TAT: variants seen among roughly 807,000 people sequenced by gnomAD.
The protein encoded by TAT is L-tyrosine:2-oxoglutarate aminotransferase.
Under a neutral mutation model 53.6 loss-of-function variants are expected in TAT, and 35 were observed. The ratio of observed to expected loss-of-function variants is 0.65; its 90% CI spans 0.50 to 0.87. The LOEUF (loss-of-function observed/expected upper bound fraction) is 0.87, where lower values mean the gene tolerates loss of function less well. TAT is among the 40% of genes least tolerant of loss of function. The probability of loss-of-function intolerance (pLI) is 0.00; values close to 1 mark genes in which losing one functional copy is unlikely to be tolerated. For synonymous variants in TAT, 197 were observed against 206.5 expected, an observed-to-expected ratio of 0.95 and a Z score of 0.39; for missense variants, 525 against 571.8, an observed-to-expected ratio of 0.92 and a Z score of 0.83.
At chr16:71,570,893 C>T (rs553419212) in intron 7 of TAT, 62 bp from the exon 8 acceptor site, 19 of 1,577,108 alleles carry the variant, frequency 1.2e-5, no homozygotes, top group Non-Finnish European at 9.5e-6. Context: ...TCCCAGATCC[C>T]GTGGCTCCCA....
chr16:71,571,770 TAA>T (rs1381476705), intron 6 of TAT, 112 bp from the exon 7 acceptor site: 1 of 1,102,276 alleles, frequency 9.1e-7, no homozygotes, highest in Non-Finnish European at 1.4e-6. Flanking sequence ...TTACAATTCT[TAA>T]AGAGAAAGAC....
At chr16:71,576,864 A>G (rs1237682020) in intron 1 of TAT, 145 bp downstream of exon 1, 1 of 241,800 alleles carries the variant, frequency 4.1e-6, no homozygotes, top group Non-Finnish European at 8.1e-6. Flanking sequence ...GTTCCATGTA[A>G]ATATCATTGT....
At chr16:71,568,835 A>C in intron 10 of TAT, 26 bp from the exon 11 acceptor site, 1 of 1,581,874 alleles carries the variant, frequency 6.3e-7, no homozygotes, top group Non-Finnish European at 8.7e-7. Context: ...GGAGAGGCCA[A>C]CTTATCAGAA....
At position 71,571,569 on chromosome 16, in the gene TAT, G is replaced by A. The variant is rs746819529; in HGVS notation, c.759+37C>T. ...TTCTAAAGTTCCCATAAAATAATTT[G>A]AGATTACTGTAGTGATATATCCTGA... On this transcript the variant is annotated intron_variant, in intron 7 of 11. Transcript: ENST00000355962. 4 of 1,574,422 alleles carry A rather than the reference G, an allele frequency of 2.5e-6. No individual in the cohort carries two copies. In the East Asian group the frequency reaches 8.9e-5, roughly 35 times the overall value.
chr16:71,576,334 T>C lies in TAT; in HGVS notation c.82A>G (p.Ser28Gly), dbSNP rs766795787. The C allele has an allele frequency of 2.5e-6, 4 of 1,614,180 alleles. No homozygotes were observed. The highest frequency in any genetic ancestry group is 1.7e-6 in the Non-Finnish European group (2 of 1,180,034). ...LDVHVNVGGR[S>G]SVPGKMKGRK... The stretch of plus-strand genomic sequence containing the variant: ...CCTTTCATTTTTCCCGGCACAGAGC[T>C]TCTCCCACCAACGTTGACATGCACG... Residue 28 changes from serine (S) to glycine (G), a missense_variant, in exon 2 of 12, where the codon AGC (serine) becomes GGC (glycine). Coordinates refer to ENST00000355962, the MANE Select transcript of TAT (RefSeq NM_000353.3).
At position 71,566,423 on chromosome 16, in the gene TAT, G is replaced by A. The variant is rs1037527435; in HGVS notation, c.*1721C>T. ...TTAAGGCTCCCTCCTCTAAGGGAAG[G>A]GCTGAAGAAAAAATTAAACAGGCAA... On this transcript the variant is annotated 3_prime_UTR_variant, in exon 12 of 12. Transcript: ENST00000355962. 6.7e-6 allele frequency: 1 copy of A among 149,558 alleles called. No individual in the cohort carries two copies. Among genetic ancestry groups the A allele is most frequent in the African/African-American group, 2.5e-5 (1 of 40,296 alleles). The allele number at this position is 149,558 out of a possible 1,614,324, so 9.3% of individuals were successfully genotyped here.
In TAT at chr16:71,572,533, C is replaced by A. The variant is rs781506099; in HGVS notation, c.564G>T (p.Leu188Phe). ...CTAAGATTAAAAAGTCATTTACCAA[C>A]AAATTGTAGAGTTTGACCTCAATTC... ...SMGIEVKLYN[L>F]LPEKSWEIDL... Residue 188 changes from leucine (L) to phenylalanine (F), a missense_variant, in exon 5 of 12, where the codon TTG (leucine) becomes TTT (phenylalanine). Physicochemically the swap from Leu to Phe is conservative, Grantham distance 22. Coordinates refer to ENST00000355962, the MANE Select transcript of TAT (RefSeq NM_000353.3). 6.2e-6 allele frequency: 10 copies of A among 1,614,186 alleles called. No homozygotes were observed. Among genetic ancestry groups the A allele is most frequent in the Non-Finnish European group, 8.5e-6 (10 of 1,180,036 alleles).
chr16:71,571,389 T>C (rs569046995), intron 7 of TAT, among the ~76,000 whole-genome samples: 1 of 152,366 alleles, frequency 6.6e-6, no homozygotes, highest in South Asian at 2.1e-4. Flanking sequence ...AATCAGGTTT[T>C]GTAACCAAAT....
chr16:71,568,539 T>TG (rs1372548690), intron 11 of TAT, 172 bp downstream of exon 11: 26 of 713,080 alleles, frequency 3.6e-5, no homozygotes, highest in East Asian at 5.4e-5. Flanking sequence ...GGGATTATGA[T>TG]GGGGGGGAGA....
At chr16:71,572,752 G>T in intron 4 of TAT, 64 bp from the exon 5 acceptor site, 2 of 1,591,824 alleles carry the variant, frequency 1.3e-6, no homozygotes, top group South Asian at 1.1e-5. Context: ...AAAAGAAGTT[G>T]TCAGGTGGGT....
At position 71,568,545 on chromosome 16, in the gene TAT, G is replaced by A. The variant is rs1383829216; in HGVS notation, c.1224+166C>T. ...AGTATGGATGGGATTATGATGGGGG[G>A]GAGAAGCAAATTTTAAATAGGATCC... On this transcript the variant is annotated intron_variant, in intron 11 of 11. Transcript: ENST00000355962. The A allele has an allele frequency of 5.5e-6, 4 of 727,926 alleles. No individual in the cohort carries two copies. The East Asian group carries it at 8.1e-5, about 15-fold the overall frequency. 45.1% of individuals were successfully genotyped at this position (727,926 alleles called of 1,614,324 possible).
intron 11 of TAT, chr16:71,568,497 G>A (rs888511071): frequency 1.2e-5 from 8 of 685,846 alleles, no homozygotes; most frequent in South Asian, 1.8e-5. Flanking sequence ...CACCTAGAAC[G>A]TTTGTTTACA....
intron 3 of TAT, 124 bp from the exon 4 acceptor site, chr16:71,573,730 A>C: frequency 4.8e-6 from 4 of 827,676 alleles, no homozygotes; most frequent in South Asian, 1.4e-5. Flanking sequence ...TCCTGGGCTC[A>C]AGGGATCCTC....
intron 10 of TAT, 40 bp from the exon 11 acceptor site, chr16:71,568,849 G>T (rs772596341): frequency 1.3e-6 from 2 of 1,509,014 alleles, no homozygotes; most frequent in South Asian, 2.3e-5. Context: ...ATCAGAAGGA[G>T]GGAGAACAGG....
At chr16:71,569,964 A>C in intron 9 of TAT, 27 bp from the exon 10 acceptor site, 3 of 1,601,426 alleles carry the variant, frequency 1.9e-6, no homozygotes, top group Non-Finnish European at 2.6e-6. Flanking sequence ...GGAGAAATCA[A>C]GGATCAAAAT....
chr16:71,568,509 C>CAAACAAAAACG, intron 11 of TAT: 2 of 686,960 alleles, frequency 2.9e-6, no homozygotes, highest in Non-Finnish European at 2.5e-6. Flanking sequence ...TTGTTTACAA[C>CAAACAAAAACG]TTTTCTTCCC....
chr16:71,572,660 T>A lies in TAT; in HGVS notation c.437A>T (p.Gln146Leu). The change falls in exon 5 of 12, where the codon CAA becomes CTA. Residue 146 changes from glutamine (Q) to leucine (L), a missense_variant. Transcript: ENST00000355962. ...CACAGCTAAACAAAGGTCAATAGCTTGGCTGCAGCCACTTGTCAGAATGAC... is the reference window on the plus strand; with the variant it reads ...CACAGCTAAACAAAGGTCAATAGCTAGGCTGCAGCCACTTGTCAGAATGAC... ...KDVILTSGCSQAIDLCLAVLA... is the reference protein window; with the variant it reads ...KDVILTSGCSLAIDLCLAVLA... 1 of 1,614,238 alleles carries A rather than the reference T, an allele frequency of 6.2e-7. No individual in the cohort carries two copies. Among genetic ancestry groups the A allele is most frequent in the Non-Finnish European group, 8.5e-7 (1 of 1,180,042 alleles).
intron 1 of TAT, 113 bp from the exon 2 acceptor site, chr16:71,576,540 CTCTCTT>C (rs2044236522): frequency 1.1e-6 from 1 of 895,714 alleles, no homozygotes; most frequent in Non-Finnish European, 1.8e-6. Context: ...TTTCCAAACT[CTCTCTT>C]TATTTTTTTT....
chr16:71,574,000 C>A (rs925780636), intron 3 of TAT, among the ~76,000 whole-genome samples: 2 of 152,064 alleles, frequency 1.3e-5, no homozygotes, highest in Non-Finnish European at 2.9e-5. Context: ...AAGTTTTCAT[C>A]CCTCAACTGA....
Sources: allele counts gnomAD v4.1 joint callset (sites outside exome capture counted in the v4.1 genomes callset), GRCh38; gene constraint gnomAD v4.1.1; transcripts MANE v1.5; gene names NCBI Gene and HGNC (gene_info 2026-07-23, HGNC 2026-07-21).